The following SKIL variants were observed in gnomAD, a reference collection of about 807,000 sequenced individuals.
SKIL encodes the protein ski-like protein.
In SKIL, 20 loss-of-function variants were observed where a neutral mutation model predicts 69.6. The observed-to-expected ratio is 0.29, with a 90% CI of 0.20 to 0.42. The LOEUF is 0.42. Ranked by LOEUF, SKIL falls within the 10% of genes least tolerant of loss-of-function variation. The pLI, the probability that SKIL is intolerant of heterozygous loss-of-function variation, is 1.00. For missense variants in SKIL, 745 were observed against 783.1 expected (o/e 0.95, Z 0.58); for synonymous variants, 310 against 279.9 (o/e 1.11, Z -1.08).
At chr3:170,366,376 A>G (rs977234988) in intron 2 of SKIL, among the ~76,000 whole-genome samples, 2 of 152,076 alleles carry the variant, frequency 1.3e-5, no homozygotes, top group African/African-American at 4.8e-5. Context: ...TCAAGTCGCC[A>G]TAAGAAATAT....
In SKIL at chr3:170,393,997, C is replaced by A. The variant is rs1232832002; in HGVS notation, c.*1580C>A. On this transcript the variant is annotated 3_prime_UTR_variant, in exon 7 of 7. Transcript: ENST00000259119. Reference sequence around the variant, plus strand: ...AATTTATTTACTAAATTGAGTATAACCTAAATGTGTGTTTTCTATTTTCCA... The same window carrying A: ...AATTTATTTACTAAATTGAGTATAAACTAAATGTGTGTTTTCTATTTTCCA... 6.6e-6 allele frequency: 1 copy of A among 151,658 alleles called. No homozygotes were observed. 9.4% of individuals were successfully genotyped at this position (151,658 alleles called of 1,614,324 possible). A position where few individuals can be genotyped will look rare whatever the true frequency, so the allele number is the denominator to read the frequency against.
intron 2 of SKIL, among the ~76,000 whole-genome samples, chr3:170,370,584 G>T (rs976193832): frequency 2.0e-5 from 3 of 151,788 alleles, no homozygotes; most frequent in African/African-American, 7.3e-5. Context: ...AGTTACCAGT[G>T]ATTCTCGAAG....
chr3:170,358,106 C>T (rs1049840741), intron 1 of SKIL, among the ~76,000 whole-genome samples: 1 of 152,180 alleles, frequency 6.6e-6, no homozygotes, highest in East Asian at 1.9e-4. Context: ...CAGCAGCGCT[C>T]CGCGGGGATG....
intron 2 of SKIL, among the ~76,000 whole-genome samples, chr3:170,371,121 A>G (rs996667901): frequency 6.6e-6 from 1 of 152,220 alleles, no homozygotes; most frequent in African/African-American, 2.4e-5. Flanking sequence ...GCACCATGTG[A>G]TAACTGCCTC....
In SKIL at chr3:170,364,706, A is replaced by G. The variant is rs893151007; in HGVS notation, c.1098+3277A>G. On this transcript the variant is annotated intron_variant, in intron 2 of 6. Coordinates refer to ENST00000259119, the MANE Select transcript of SKIL (RefSeq NM_005414.5). Reference sequence around the variant, plus strand: ...ATTCTTGCTCTGTGTTTATGTGAAAAACATCTGAGAACCATGATAAAGGTT... The same window carrying G: ...ATTCTTGCTCTGTGTTTATGTGAAAGACATCTGAGAACCATGATAAAGGTT... 5.9e-5 allele frequency among the ~76,000 whole-genome samples: 9 copies of G among 152,138 alleles called. No homozygotes were observed. The East Asian group carries it at 1.7e-3, about 29-fold the overall frequency.
At chr3:170,378,692 C>T (rs2108211044) in intron 2 of SKIL, among the ~76,000 whole-genome samples, 1 of 151,540 alleles carries the variant, frequency 6.6e-6, no homozygotes, top group South Asian at 2.1e-4. Context: ...GGTGGGATTA[C>T]AGGCACTCAC....
Position 170,360,629 on chromosome 3 carries a change from T to C in SKIL, c.298T>C (p.Ser100Pro). Residue 100 changes from serine (S) to proline (P), a missense_variant, in exon 2 of 7, where the codon TCG becomes CCG. Physicochemically the swap from Ser to Pro is moderately conservative, Grantham distance 74 (BLOSUM62 -1). Transcript: ENST00000259119. Reference protein sequence around the residue: ...LAQFHLSSQSSLGGPAAFSAR... With the variant: ...LAQFHLSSQSPLGGPAAFSAR... ...ACAATTCCATTTAAGTAGTCAGAGC[T>C]CGCTGGGTGGACCAGCAGCATTTTC... 6.2e-7 allele frequency: 1 copy of C among 1,614,182 alleles called. No homozygotes were observed. The highest frequency in any genetic ancestry group is 8.5e-7 in the Non-Finnish European group (1 of 1,180,034).
At chr3:170,371,350 T>TA (rs1446914591) in intron 2 of SKIL, among the ~76,000 whole-genome samples, 1 of 150,898 alleles carries the variant, frequency 6.6e-6, no homozygotes, top group African/African-American at 2.4e-5. Flanking sequence ...AAAATAATAA[T>TA]AAAAAAAATA....
rs555082900 is a variant in SKIL, at chr3:170,379,073, C to T, written c.1099-2171C>T. On this transcript the variant is annotated intron_variant, in intron 2 of 6. Transcript: ENST00000259119. ...TGTATTTTTAGTAGAGACTGGGTTT[C>T]GCTGTGTTGGCCAGGCTGGTCTTGC... 4.2e-4 allele frequency among the ~76,000 whole-genome samples: 63 copies of T among 151,400 alleles called. 2 individuals are homozygous for T. In the South Asian group the frequency reaches 0.012, roughly 29 times the overall value.
At chr3:170,366,152 T>C (rs760173938) in intron 2 of SKIL, among the ~76,000 whole-genome samples, 7 of 151,488 alleles carry the variant, frequency 4.6e-5, no homozygotes, top group Admixed American at 1.3e-4. Context: ...TTGACATGCG[T>C]ATATAGTTTA....
Position 170,390,449 on chromosome 3 carries a change from G to A in SKIL, c.1656G>A (p.Lys552=). The change falls in exon 5 of 7, where the codon AAG becomes AAA. Residue 552 remains lysine, a synonymous_variant. Coordinates refer to ENST00000259119, the MANE Select transcript of SKIL (RefSeq NM_005414.5). ...QEKLNLILQK[K]QQLQMEVKML... is the part of the protein sequence containing the mutation. ...AACTAAACTTGATTTTGCAAAAGAA[G>A]CAACAACTTCAGATGGTAAAATTGT... 2 of 1,609,744 alleles carry A rather than the reference G, an allele frequency of 1.2e-6. No individual in the cohort carries two copies. The highest frequency in any genetic ancestry group is 1.7e-6 in the Non-Finnish European group (2 of 1,176,342).
chr3:170,381,441 A>T (rs200287367), intron 3 of SKIL, 100 bp downstream of exon 3: 93 of 472,288 alleles, frequency 2.0e-4, no homozygotes, highest in Middle Eastern at 9.2e-4. Flanking sequence ...TTATTTATTT[A>T]TTTTTTTTGG....
At chr3:170,362,617 C>G (rs1473643815) in intron 2 of SKIL, among the ~76,000 whole-genome samples, 1 of 152,000 alleles carries the variant, frequency 6.6e-6, no homozygotes, top group Non-Finnish European at 1.5e-5. Context: ...GAGTTTGAGA[C>G]CAGCCTGGCC....
At chr3:170,380,391 C>CCAAAGTGTAAT (rs1260075958) in intron 2 of SKIL, among the ~76,000 whole-genome samples, 3 of 152,112 alleles carry the variant, frequency 2.0e-5, no homozygotes, top group Admixed American at 1.3e-4. Flanking sequence ...GCCTGTAATC[C>CCAAAGTGTAAT]CTGCACTTTG....
intron 3 of SKIL, 22 bp downstream of exon 3, chr3:170,381,363 CGTTT>C: frequency 1.8e-6 from 2 of 1,128,820 alleles, no homozygotes; most frequent in Non-Finnish European, 2.7e-6. Flanking sequence ...TTTATTTGTT[CGTTT>C]GTTCATTCAT....
intron 2 of SKIL, among the ~76,000 whole-genome samples, chr3:170,366,698 C>CACACAG (rs769947832): frequency 1.1e-3 from 156 of 148,080 alleles, no homozygotes; most frequent in Middle Eastern, 6.8e-3. Context: ...CACACACAGA[C>CACACAG]ACACACACAC....
intron 4 of SKIL, among the ~76,000 whole-genome samples, chr3:170,386,426 G>A (rs976768801): frequency 2.0e-5 from 3 of 152,084 alleles, no homozygotes; most frequent in Non-Finnish European, 2.9e-5. Context: ...CATCGCGCCC[G>A]GCCAGGGGTT....
At chr3:170,367,870 T>C (rs1048576414) in intron 2 of SKIL, among the ~76,000 whole-genome samples, 1 of 152,216 alleles carries the variant, frequency 6.6e-6, no homozygotes, top group Non-Finnish European at 1.5e-5. Context: ...AGATTACTTA[T>C]GATACAAACA....
chr3:170,358,697 T>C (rs1249644034), intron 1 of SKIL: 1 of 152,254 alleles, frequency 6.6e-6, no homozygotes, highest in Admixed American at 6.5e-5. Context: ...TGGATTTCTT[T>C]TGGCTTTTCT....
Sources: allele counts gnomAD v4.1 joint callset (sites outside exome capture counted in the v4.1 genomes callset), GRCh38; gene constraint gnomAD v4.1.1; transcripts MANE v1.5; gene names NCBI Gene and HGNC (gene_info 2026-07-23, HGNC 2026-07-21).